Variants in REPS1 observed in about 807,000 individuals in gnomAD.
REPS1 encodes the protein ralBP1-associated Eps domain-containing protein 1.
Under a neutral mutation model 100.9 loss-of-function variants are expected in REPS1, and 39 were observed. The observed-to-expected ratio is 0.39, with a 90% CI of 0.30 to 0.50. The LOEUF is 0.50. Among genes scored for constraint, REPS1 ranks in the 20% least tolerant of loss-of-function variants. REPS1 has a pLI of 0.86. For missense variants in REPS1, 821 were observed against 968.5 expected, an observed-to-expected ratio of 0.85 and a Z score of 2.02; for synonymous variants, 324 against 340.3, an observed-to-expected ratio of 0.95 and a Z score of 0.53.
chr6:138,925,366 C>CA (rs1448383677), intron 10 of REPS1, among the ~76,000 whole-genome samples: 4 of 151,830 alleles, frequency 2.6e-5, no homozygotes, highest in Non-Finnish European at 5.9e-5. Context: ...GGCTCCAACT[C>CA]AAAAAACAAA....
In REPS1 at chr6:138,920,296, G is replaced by T; in HGVS notation, c.1447C>A (p.Pro483Thr). Residue 483 changes from proline to threonine, a missense_variant, in exon 12 of 20, where the codon CCA becomes ACA. Transcript: ENST00000450536. ...AGGTCAGATGGTTTCACAAGTAATG[G>T]GCTAGTGGGATTTGTATGATCTAAT... Reference protein sequence around the residue: ...TGSDHTNPTSPLLVKPSDLLE... With the variant: ...TGSDHTNPTSTLLVKPSDLLE... The T allele has an allele frequency of 1.9e-6, 3 of 1,590,292 alleles. No homozygotes were observed. Among genetic ancestry groups the T allele is most frequent in the Non-Finnish European group, 2.6e-6 (3 of 1,158,686 alleles).
chr6:138,959,125 C>T (rs1408480241), intron 1 of REPS1, among the ~76,000 whole-genome samples: 1 of 152,168 alleles, frequency 6.6e-6, no homozygotes, highest in Non-Finnish European at 1.5e-5. Flanking sequence ...TTCCTCAGGG[C>T]AAGTACCCCC....
At chr6:138,970,787 G>T (rs540259775) in intron 1 of REPS1, among the ~76,000 whole-genome samples, 1 of 152,198 alleles carries the variant, frequency 6.6e-6, no homozygotes, top group Non-Finnish European at 1.5e-5. Flanking sequence ...TGTCTCAGAA[G>T]ATAAATCAGC....
intron 8 of REPS1, among the ~76,000 whole-genome samples, chr6:138,934,821 A>C (rs1019248103): frequency 3.1e-5 from 2 of 65,168 alleles, no homozygotes; most frequent in Non-Finnish European, 1.1e-4. Context: ...CAATCTCATT[A>C]ATAACTTTAT....
chr6:138,912,639 G>C, intron 16 of REPS1, 126 bp downstream of exon 16: 1 of 877,434 alleles, frequency 1.1e-6, no homozygotes. Context: ...CAATAAAAAA[G>C]ATGAGAAGCA....
chr6:138,912,628 C>T, intron 16 of REPS1, 137 bp downstream of exon 16: 2 of 801,678 alleles, frequency 2.5e-6, no homozygotes, highest in Non-Finnish European at 4.2e-6. Context: ...ATATTGGAGG[C>T]CAATAAAAAA....
At chr6:138,976,243 A>G (rs532535507) in intron 1 of REPS1, among the ~76,000 whole-genome samples, 1 of 152,332 alleles carries the variant, frequency 6.6e-6, no homozygotes, top group South Asian at 2.1e-4. Flanking sequence ...AGATATTTCT[A>G]TTTCCACGTA....
intron 8 of REPS1, among the ~76,000 whole-genome samples, chr6:138,939,130 A>T (rs1310450690): frequency 6.6e-6 from 1 of 152,200 alleles, no homozygotes; most frequent in African/African-American, 2.4e-5. Flanking sequence ...GTGGAAGAAA[A>T]ATGATAAGTT....
intron 2 of REPS1, among the ~76,000 whole-genome samples, chr6:138,947,014 T>C (rs1437980980): frequency 6.8e-6 from 1 of 147,526 alleles, no homozygotes. Context: ...ATGGTTTAAA[T>C]GTCTGTGGCT....
At chr6:138,947,458 T>C (rs1782713588) in intron 2 of REPS1, among the ~76,000 whole-genome samples, 1 of 152,226 alleles carries the variant, frequency 6.6e-6, no homozygotes, top group Non-Finnish European at 1.5e-5. Flanking sequence ...ATGAAGATGG[T>C]CGCTGTAATT....
At chr6:138,979,462 C>G (rs1784811241) in intron 1 of REPS1, among the ~76,000 whole-genome samples, 1 of 152,170 alleles carries the variant, frequency 6.6e-6, no homozygotes, top group Non-Finnish European at 1.5e-5. Context: ...TACACCCTGT[C>G]TCTAGTTCCT....
chr6:138,945,192 C>T, intron 4 of REPS1, 27 bp downstream of exon 4: 1 of 1,570,574 alleles, frequency 6.4e-7, no homozygotes, highest in Non-Finnish European at 8.6e-7. Flanking sequence ...AACACAATGA[C>T]ACTCTAATCA....
intron 1 of REPS1, among the ~76,000 whole-genome samples, chr6:138,973,291 A>C (rs555632955): frequency 1.1e-4 from 16 of 152,320 alleles, no homozygotes; most frequent in African/African-American, 3.6e-4. Flanking sequence ...CTAATTCATG[A>C]AAGATGATAC....
At chr6:138,944,076 T>G (rs560416294) in intron 5 of REPS1, 61 bp from the exon 6 acceptor site, 1 of 1,469,342 alleles carries the variant, frequency 6.8e-7, no homozygotes, top group South Asian at 1.2e-5. Context: ...TGGACCAAGA[T>G]TGCTAGGTTA....
At chr6:138,941,548 C>A in intron 7 of REPS1, 59 bp from the exon 8 acceptor site, 1 of 1,462,708 alleles carries the variant, frequency 6.8e-7, no homozygotes, top group South Asian at 1.2e-5. Context: ...TTTTATTTCT[C>A]AAAAAGAAGC....
chr6:138,920,202 A>C lies in REPS1; in HGVS notation c.1528+13T>G. ...TAGTAAACTTCAAATGGAAGATGTA[A>C]TACTTCACTTACCTACAGTATTACC... On this transcript the variant is annotated intron_variant, in intron 12 of 19. Coordinates refer to ENST00000450536, the MANE Select transcript of REPS1 (RefSeq NM_001286611.2). 7.5e-7 allele frequency: 1 copy of C among 1,334,278 alleles called. No individual in the cohort carries two copies. The highest frequency in any genetic ancestry group is 1.1e-6 in the Non-Finnish European group (1 of 925,644). 82.7% of individuals were successfully genotyped at this position (1,334,278 alleles called of 1,614,324 possible). A position where few individuals can be genotyped will look rare whatever the true frequency, so the allele number is the denominator to read the frequency against.
At chr6:138,961,886 G>A (rs1195737678) in intron 1 of REPS1, among the ~76,000 whole-genome samples, 1 of 152,156 alleles carries the variant, frequency 6.6e-6, no homozygotes, top group Admixed American at 6.5e-5. Flanking sequence ...AGCAAAACTG[G>A]CAAGGTGAGG....
At chr6:138,977,529 G>A (rs1264781240) in intron 1 of REPS1, among the ~76,000 whole-genome samples, 2 of 152,010 alleles carry the variant, frequency 1.3e-5, no homozygotes, top group Non-Finnish European at 2.9e-5. Flanking sequence ...TTTGGGACAG[G>A]GTCTTGCTAT....
intron 13 of REPS1, among the ~76,000 whole-genome samples, chr6:138,917,145 G>A (rs565531892): frequency 6.6e-6 from 1 of 152,312 alleles, no homozygotes; most frequent in African/African-American, 2.4e-5. Flanking sequence ...GTGCCTGAAA[G>A]GTTATATGTA....
Sources: allele counts gnomAD v4.1 joint callset (sites outside exome capture counted in the v4.1 genomes callset), GRCh38; gene constraint gnomAD v4.1.1; transcripts MANE v1.5; gene names NCBI Gene and HGNC (gene_info 2026-07-23, HGNC 2026-07-21).